The following DNAH14 variants were observed in gnomAD, a reference collection of about 807,000 sequenced individuals.
DNAH14 encodes dynein axonemal heavy chain 14.
Under a neutral mutation model 520.9 loss-of-function variants are expected in DNAH14, and 478 were observed. The ratio of observed to expected loss-of-function variants is 0.92; its 90% CI spans 0.85 to 0.99. The LOEUF (loss-of-function observed/expected upper bound fraction) is 0.99. Ranked by LOEUF, DNAH14 falls within the 50% of genes least tolerant of loss-of-function variation. The pLI is 0.00. For missense variants in DNAH14, 4,831 were observed against 5,234.5 expected (o/e 0.92, Z 2.38); for synonymous variants, 1,581 against 1,757.2 (o/e 0.90, Z 2.51).
At chr1:225,214,592 A>G (rs1057414908) in intron 41 of DNAH14, among the ~76,000 whole-genome samples, 1 of 152,042 alleles carries the variant, frequency 6.6e-6, no homozygotes. Flanking sequence ...AGAGTCTGTT[A>G]TTGATGTATT....
chr1:225,101,282 A>T (rs3128667), intron 23 of DNAH14, among the ~76,000 whole-genome samples: 39,467 of 151,838 alleles, frequency 0.26, 7,949 homozygotes, highest in African/African-American at 0.56. Flanking sequence ...TATATTTTAA[A>T]GCAGGCATAC....
Position 225,042,819 on chromosome 1 carries a change from T to G in DNAH14, c.1489-16T>G, listed in dbSNP as rs1194821113. 1 of 1,541,222 alleles carries G rather than the reference T, an allele frequency of 6.5e-7. No individual in the cohort carries two copies. The highest frequency in any genetic ancestry group is 2.5e-5 in the East Asian group (1 of 40,742). ...ATATGTTGTCACTGGCACCCTCACATTATCCGTTAAATTAGATTTTGAATA... is the reference window on the plus strand; with the variant it reads ...ATATGTTGTCACTGGCACCCTCACAGTATCCGTTAAATTAGATTTTGAATA... On this transcript the variant is annotated splice_polypyrimidine_tract_variant and intron_variant, in intron 12 of 85. Coordinates refer to ENST00000682510, the MANE Select transcript of DNAH14 (RefSeq NM_001367479.1).
Position 225,079,290 on chromosome 1 carries a change from A to G in DNAH14, c.2508A>G (p.Ala836=), listed in dbSNP as rs1438296487. 6.5e-7 allele frequency: 1 copy of G among 1,549,160 alleles called. No homozygotes were observed. The highest frequency in any genetic ancestry group is 1.4e-5 in the African/African-American group (1 of 72,962). The change falls in exon 18 of 86, where the codon GCA becomes GCG. Residue 836 remains alanine (A), a synonymous_variant. Transcript: ENST00000682510. ...TGGAGCATTTTATTTTTTTGAATGC[A>G]ATTTCCTCAAAAATATCTAAATTAG... ...EFLEHFIFLN[A]ISSKISKLEK...
At chr1:225,098,661 A>G (rs1054196664) in intron 22 of DNAH14, among the ~76,000 whole-genome samples, 15 of 152,130 alleles carry the variant, frequency 9.9e-5, no homozygotes, top group African/African-American at 3.6e-4. Flanking sequence ...ATTCTATTTG[A>G]TTGATCGGTA....
At chr1:224,959,415 A>C (rs998448663) in intron 3 of DNAH14, among the ~76,000 whole-genome samples, 6 of 152,140 alleles carry the variant, frequency 3.9e-5, no homozygotes, top group Non-Finnish European at 5.9e-5. Flanking sequence ...TTGAAATAAA[A>C]CTTACTGTTT....
intron 42 of DNAH14, among the ~76,000 whole-genome samples, chr1:225,239,471 C>T (rs755133182): frequency 2.1e-4 from 32 of 152,240 alleles, no homozygotes; most frequent in Admixed American, 5.2e-4. Context: ...GACCATCACC[C>T]GACTCTGCTT....
intron 69 of DNAH14, among the ~76,000 whole-genome samples, chr1:225,341,338 T>C (rs540360051): frequency 1.3e-5 from 2 of 152,252 alleles, no homozygotes; most frequent in East Asian, 3.9e-4. Flanking sequence ...AAACATGCTG[T>C]TGGCCGGGCA....
intron 65 of DNAH14, 130 bp downstream of exon 65, chr1:225,331,707 G>A (rs2094801814): frequency 2.4e-6 from 3 of 1,252,780 alleles, no homozygotes; most frequent in Admixed American, 2.8e-5. Flanking sequence ...TTTCTTATTG[G>A]GATCAGTAGA....
At chr1:225,096,411 G>A (rs2074973916) in intron 21 of DNAH14, among the ~76,000 whole-genome samples, 1 of 152,146 alleles carries the variant, frequency 6.6e-6, no homozygotes. Flanking sequence ...ATATAAATGA[G>A]TTATAAATGG....
chr1:225,186,713 A>G (rs2084800990), intron 37 of DNAH14, among the ~76,000 whole-genome samples: 1 of 151,814 alleles, frequency 6.6e-6, no homozygotes, highest in Non-Finnish European at 1.5e-5. Flanking sequence ...CAACCTTGGA[A>G]TTTTCACATA....
At chr1:225,082,025 C>T (rs2073177156) in intron 19 of DNAH14, among the ~76,000 whole-genome samples, 1 of 152,032 alleles carries the variant, frequency 6.6e-6, no homozygotes, top group East Asian at 1.9e-4. Context: ...AATCACAGCA[C>T]TTGGGGAGGC....
At position 225,043,900 on chromosome 1, in the gene DNAH14, C is replaced by T. The variant is rs2067704899; in HGVS notation, c.1829C>T (p.Pro610Leu). 6.6e-7 allele frequency: 1 copy of T among 1,525,724 alleles called. No individual in the cohort carries two copies. Among genetic ancestry groups the T allele is most frequent in the Non-Finnish European group, 8.9e-7 (1 of 1,128,760 alleles). 94.5% of individuals were successfully genotyped at this position (1,525,724 alleles called of 1,614,324 possible). ...KYMYYEFPEF[P>L]TNLFIDPNRL... ...TTCTCTGTTAGATTTCCAGAATTTC[C>T]TACAAATCTCTTTATAGATCCCAAC... Residue 610 changes from proline (P) to leucine (L), a missense_variant, in exon 15 of 86, where the codon CCT becomes CTT. Physicochemically the swap from Pro to Leu is moderately conservative, Grantham distance 98 (BLOSUM62 -3). Coordinates refer to ENST00000682510, the MANE Select transcript of DNAH14 (RefSeq NM_001367479.1).
chr1:225,144,289 G>T (rs2079717438), intron 28 of DNAH14, 108 bp from the exon 29 acceptor site: 3 of 846,454 alleles, frequency 3.5e-6, no homozygotes, highest in South Asian at 1.8e-5. Context: ...ACTTCTATTT[G>T]TTTTTTTAAT....
intron 49 of DNAH14, among the ~76,000 whole-genome samples, chr1:225,270,108 A>G (rs373743280): frequency 6.6e-6 from 1 of 152,060 alleles, no homozygotes; most frequent in South Asian, 2.1e-4. Context: ...TTAAGAAAAT[A>G]TGGCACATAT....
chr1:225,134,523 A>G (rs1190302487), intron 27 of DNAH14, among the ~76,000 whole-genome samples: 1 of 152,148 alleles, frequency 6.6e-6, no homozygotes, highest in Non-Finnish European at 1.5e-5. Context: ...GATGAATGAC[A>G]TTTATTGATT....
intron 43 of DNAH14, among the ~76,000 whole-genome samples, chr1:225,250,181 C>G (rs2092479801): frequency 6.6e-6 from 1 of 152,166 alleles, no homozygotes; most frequent in Non-Finnish European, 1.5e-5. Flanking sequence ...CTACACTATT[C>G]TACATTCCTA....
chr1:225,311,222 T>C (rs1192669929), intron 60 of DNAH14, among the ~76,000 whole-genome samples: 1 of 152,244 alleles, frequency 6.6e-6, no homozygotes, highest in Non-Finnish European at 1.5e-5. Flanking sequence ...TTTTTTCATA[T>C]GTTTGTTGGC....
intron 55 of DNAH14, among the ~76,000 whole-genome samples, chr1:225,293,620 A>G (rs1453063683): frequency 6.6e-6 from 1 of 152,150 alleles, no homozygotes; most frequent in Non-Finnish European, 1.5e-5. Context: ...AATGATGAGA[A>G]CAGATGGACA....
At chr1:225,248,401 AG>A (rs1376214616) in intron 43 of DNAH14, among the ~76,000 whole-genome samples, 6 of 152,152 alleles carry the variant, frequency 3.9e-5, no homozygotes, top group African/African-American at 1.2e-4. Context: ...AAGATGGAAG[AG>A]GGGGGTGTTC....
Sources: allele counts gnomAD v4.1 joint callset (sites outside exome capture counted in the v4.1 genomes callset), GRCh38; gene constraint gnomAD v4.1.1; transcripts MANE v1.5; gene names NCBI Gene and HGNC (gene_info 2026-07-23, HGNC 2026-07-21).